The following ARMH3 variants were observed in gnomAD, a reference collection of about 807,000 sequenced individuals.
ARMH3 encodes the protein armadillo like helical domain containing 3, also known as armadillo-like helical domain-containing protein 3.
In ARMH3, 60 loss-of-function variants were observed where a neutral mutation model predicts 99.1. The observed-to-expected ratio is 0.61, with a 90% CI of 0.49 to 0.75. The LOEUF (loss-of-function observed/expected upper bound fraction) is 0.75. Among genes scored for constraint, ARMH3 ranks in the 30% least tolerant of loss-of-function variants. ARMH3 has a pLI of 0.00. For missense variants in ARMH3, 679 were observed against 843.1 expected, an observed-to-expected ratio of 0.81 and a Z score of 2.41; for synonymous variants, 285 against 292.8, an observed-to-expected ratio of 0.97 and a Z score of 0.27.
intron 23 of ARMH3, among the ~76,000 whole-genome samples, chr10:101,924,337 C>T (rs1182331184): frequency 6.7e-6 from 1 of 150,182 alleles, no homozygotes; most frequent in Non-Finnish European, 1.5e-5. Context: ...TTTTATTTTA[C>T]TTTGGTCTTT....
intron 19 of ARMH3, among the ~76,000 whole-genome samples, chr10:101,989,254 C>G (rs1046132159): frequency 1.3e-5 from 2 of 151,938 alleles, no homozygotes; most frequent in African/African-American, 4.8e-5. Context: ...ATGATAATGG[C>G]TAGGTGTAAT....
intron 24 of ARMH3, among the ~76,000 whole-genome samples, chr10:101,872,471 T>G (rs2067154183): frequency 6.6e-6 from 1 of 151,384 alleles, no homozygotes; most frequent in Non-Finnish European, 1.5e-5. Flanking sequence ...CCAAGGTGGG[T>G]GGATCACTTG....
At chr10:101,900,515 A>G (rs925259145) in intron 23 of ARMH3, among the ~76,000 whole-genome samples, 2 of 152,246 alleles carry the variant, frequency 1.3e-5, no homozygotes, top group Non-Finnish European at 2.9e-5. Context: ...TCTCTTGAAT[A>G]TGAATTAAGA....
chr10:101,921,307 G>T (rs954481501), intron 23 of ARMH3, among the ~76,000 whole-genome samples: 1 of 152,096 alleles, frequency 6.6e-6, no homozygotes, highest in Non-Finnish European at 1.5e-5. Context: ...ACTAATTTGT[G>T]GTGACAGAAA....
At chr10:101,984,847 G>A (rs1307436776) in intron 19 of ARMH3, among the ~76,000 whole-genome samples, 2 of 152,014 alleles carry the variant, frequency 1.3e-5, no homozygotes, top group Non-Finnish European at 2.9e-5. Flanking sequence ...GAGGCAGGTC[G>A]ATCACGAGGT....
At chr10:101,853,472 A>C (rs1202867305) in intron 24 of ARMH3, among the ~76,000 whole-genome samples, 2 of 152,196 alleles carry the variant, frequency 1.3e-5, no homozygotes, top group African/African-American at 2.4e-5. Flanking sequence ...GGTGAGGGCC[A>C]CACTTAGGGA....
rs141978261 is a variant in ARMH3 at position 101,891,617 on chromosome 10, C to T, written c.1782-2127G>A. On this transcript the variant is annotated intron_variant, in intron 23 of 25. Transcript: ENST00000370033. ...AATGGACCCTGGCACAGCAAGAGGACATTAATGGAAAAACTGGTAAAATCT... is the reference window on the plus strand; with the variant it reads ...AATGGACCCTGGCACAGCAAGAGGATATTAATGGAAAAACTGGTAAAATCT... Among the ~76,000 whole-genome samples, 1,231 of 152,182 alleles carry T rather than the reference C, an allele frequency of 8.1e-3. 13 individuals are homozygous for T. Among genetic ancestry groups the T allele is most frequent in the African/African-American group, 0.028 (1,168 of 41,518 alleles).
At chr10:102,048,764 C>A (rs2067618823) in intron 1 of ARMH3, among the ~76,000 whole-genome samples, 1 of 152,138 alleles carries the variant, frequency 6.6e-6, no homozygotes, top group African/African-American at 2.4e-5. Flanking sequence ...TAGTCCCCTA[C>A]CCTGACTTTC....
intron 23 of ARMH3, among the ~76,000 whole-genome samples, chr10:101,904,966 AG>A (rs1382744940): frequency 1.3e-5 from 2 of 151,064 alleles, no homozygotes; most frequent in Non-Finnish European, 3.0e-5. Flanking sequence ...AAAAAAAAAA[AG>A]AAAGAAAGAA....
At chr10:101,939,503 T>C (rs1037768317) in intron 23 of ARMH3, among the ~76,000 whole-genome samples, 2 of 152,186 alleles carry the variant, frequency 1.3e-5, no homozygotes, top group Non-Finnish European at 2.9e-5. Flanking sequence ...GTCAACATTC[T>C]AGATCTCCAT....
Position 102,016,890 on chromosome 10 carries a change from C to G in ARMH3, c.670-2866G>C, listed in dbSNP as rs370778074. ...CTCTTCCCTAGACCTTTTTTGGGGGCTCTTTTGTCTTTTTGGATGAAATGA... is the reference window on the plus strand; with the variant it reads ...CTCTTCCCTAGACCTTTTTTGGGGGGTCTTTTGTCTTTTTGGATGAAATGA... On this transcript the variant is annotated intron_variant, in intron 8 of 25. Coordinates refer to ENST00000370033, the MANE Select transcript of ARMH3 (RefSeq NM_024541.3). Among the ~76,000 whole-genome samples the G allele has an allele frequency of 9.9e-5, 15 of 152,204 alleles. No homozygotes were observed. In the East Asian group the frequency reaches 1.9e-3, roughly 20 times the overall value.
At chr10:102,055,316 A>G (rs944548936) in intron 1 of ARMH3, among the ~76,000 whole-genome samples, 17 of 151,774 alleles carry the variant, frequency 1.1e-4, no homozygotes, top group Non-Finnish European at 1.6e-4. Flanking sequence ...TAAATAAATA[A>G]ATAAATAAAT....
chr10:101,956,515 G>T, intron 22 of ARMH3, 82 bp downstream of exon 22: 1 of 1,522,668 alleles, frequency 6.6e-7, no homozygotes, highest in South Asian at 1.2e-5. Context: ...AACTAGAGGA[G>T]AATCTTTCGT....
intron 24 of ARMH3, among the ~76,000 whole-genome samples, chr10:101,883,332 G>A (rs965983882): frequency 6.6e-6 from 1 of 151,980 alleles, no homozygotes; most frequent in African/African-American, 2.4e-5. Flanking sequence ...CAGGAGGATC[G>A]CTTGAACCTA....
chr10:102,012,565 T>C (rs1262370356), intron 10 of ARMH3, among the ~76,000 whole-genome samples: 1 of 152,188 alleles, frequency 6.6e-6, no homozygotes, highest in Non-Finnish European at 1.5e-5. Flanking sequence ...CTAGTTAAAA[T>C]GCTCTGTAAT....
chr10:101,966,550 A>T (rs1845553784), intron 20 of ARMH3, among the ~76,000 whole-genome samples: 1 of 151,874 alleles, frequency 6.6e-6, no homozygotes, highest in Non-Finnish European at 1.5e-5. Context: ...CCCTGCGCCC[A>T]GCCCACCCTA....
At chr10:101,850,691 C>G (rs2066579707) in intron 24 of ARMH3, among the ~76,000 whole-genome samples, 1 of 152,206 alleles carries the variant, frequency 6.6e-6, no homozygotes, top group Non-Finnish European at 1.5e-5. Context: ...TCCAAAAGTG[C>G]TGGGATTACA....
chr10:102,000,433 T>C (rs1369247213), intron 15 of ARMH3, among the ~76,000 whole-genome samples: 1 of 151,948 alleles, frequency 6.6e-6, no homozygotes. Context: ...TATTAGTGTT[T>C]AATGGGTATA....
intron 15 of ARMH3, 119 bp downstream of exon 15, chr10:102,001,852 T>C: frequency 2.3e-6 from 2 of 871,842 alleles, no homozygotes; most frequent in Non-Finnish European, 3.6e-6. Context: ...ATGAAGACCA[T>C]GTACACAAGG....
Sources: allele counts gnomAD v4.1 joint callset (sites outside exome capture counted in the v4.1 genomes callset), GRCh38; gene constraint gnomAD v4.1.1; transcripts MANE v1.5; gene names NCBI Gene and HGNC (gene_info 2026-07-23, HGNC 2026-07-21).